Variants in KCNJ1 observed in about 807,000 individuals in gnomAD.
KCNJ1 encodes the protein ATP-sensitive inward rectifier potassium channel 1.
KCNJ1 carries 24 observed loss-of-function variants against 21.9 expected under a neutral mutation model. The ratio of observed to expected loss-of-function variants is 1.10; its 90% CI spans 0.79 to 1.54. The LOEUF (loss-of-function observed/expected upper bound fraction) is 1.54. Among genes scored for constraint, KCNJ1 ranks in the 40% most tolerant of loss-of-function variants. The probability of loss-of-function intolerance (pLI) is 0.00; values close to 1 mark genes in which losing one functional copy is unlikely to be tolerated. For missense variants in KCNJ1, 457 were observed against 455.4 expected, an observed-to-expected ratio of 1.00 and a Z score of -0.03; for synonymous variants, 152 against 160.9, an observed-to-expected ratio of 0.94 and a Z score of 0.42.
At chr11:128,866,017 A>G (rs765120122) in intron 1 of KCNJ1, among the ~76,000 whole-genome samples, 2 of 152,174 alleles carry the variant, frequency 1.3e-5, no homozygotes, top group African/African-American at 2.4e-5. Flanking sequence ...TCATGACTTG[A>G]GTATAAAAAA....
At chr11:128,861,435 A>G (rs1386527965) in intron 1 of KCNJ1, among the ~76,000 whole-genome samples, 8 of 152,210 alleles carry the variant, frequency 5.3e-5, no homozygotes, top group African/African-American at 1.9e-4. Flanking sequence ...TGTGAGCAGC[A>G]GGGCTAGCGG....
intron 1 of KCNJ1, among the ~76,000 whole-genome samples, chr11:128,866,319 T>C (rs1943815071): frequency 6.6e-6 from 1 of 152,162 alleles, no homozygotes; most frequent in Admixed American, 6.5e-5. Context: ...ATCAAAAGCA[T>C]CCAGTGAGTG....
chr11:128,867,105 G>T (rs1943832652), intron 1 of KCNJ1, 68 bp downstream of exon 1: 1 of 152,096 alleles, frequency 6.6e-6, no homozygotes, highest in African/African-American at 2.4e-5. Context: ...GGGGAAAAGA[G>T]GTCTAAATTT....
chr11:128,848,142 G>A (rs1943414969), intron 2 of KCNJ1, among the ~76,000 whole-genome samples: 1 of 152,058 alleles, frequency 6.6e-6, no homozygotes, highest in Non-Finnish European at 1.5e-5. Context: ...CAAAAAATTA[G>A]CCGGGCGTGG....
At chr11:128,867,132 C>A (rs1295161051) in intron 1 of KCNJ1, 41 bp downstream of exon 1, 1 of 152,154 alleles carries the variant, frequency 6.6e-6, no homozygotes, top group African/African-American at 2.4e-5. Context: ...GAATTAACTT[C>A]TTTTTCCTAC....
At chr11:128,844,283 C>A (rs535994367) in intron 2 of KCNJ1, among the ~76,000 whole-genome samples, 5 of 152,240 alleles carry the variant, frequency 3.3e-5, no homozygotes, top group African/African-American at 1.2e-4. Context: ...TCCAAGTAAG[C>A]AAATAATGGA....
Position 128,839,852 on chromosome 11 carries a change from G to C in KCNJ1, c.392C>G (p.Thr131Arg), listed in dbSNP as rs761124763. The C allele has an allele frequency of 2.5e-6, 4 of 1,614,052 alleles. No individual in the cohort carries two copies. The African/African-American group carries it at 4.0e-5, about 16-fold the overall frequency. Residue 131 changes from threonine (T) to arginine (R), a missense_variant, in exon 3 of 3, where the codon ACA (threonine) becomes AGA (arginine). By Grantham distance (71) the Thr-to-Arg change is moderately conservative (BLOSUM62 -1). Coordinates refer to ENST00000392666, the MANE Select transcript of KCNJ1 (RefSeq NM_153766.3). ...VTIGYGFRCVTEQCATAIFLL... is the reference protein window; with the variant it reads ...VTIGYGFRCVREQCATAIFLL... ...AAAAATGGCAGTGGCACACTGTTCT[G>C]TCACACACCTGAATCCATATCCAAT... is the stretch of plus-strand genomic sequence containing the variant.
chr11:128,864,107 A>G (rs1209931515), intron 1 of KCNJ1, among the ~76,000 whole-genome samples: 1 of 113,622 alleles, frequency 8.8e-6, no homozygotes, highest in Non-Finnish European at 1.7e-5. Context: ...TTTTTGAGAC[A>G]AAGTCTCACC....
rs61609852 is a variant in KCNJ1 at position 128,849,225 on chromosome 11, T to C, written c.-22+1496A>G. ...AGCAGAAAGCCCAAAGAGCAAAGAT[T>C]AGAAGAATCTAGATCTTCCCAACTG... On this transcript the variant is annotated intron_variant, in intron 2 of 2. Coordinates refer to ENST00000392666, the MANE Select transcript of KCNJ1 (RefSeq NM_153766.3). 6.6e-3 allele frequency among the ~76,000 whole-genome samples: 1,006 copies of C among 152,328 alleles called. 3 individuals carry two copies. Among genetic ancestry groups the C allele is most frequent in the African/African-American group, 0.022 (934 of 41,564 alleles).
intron 2 of KCNJ1, among the ~76,000 whole-genome samples, chr11:128,841,157 C>T (rs1317875607): frequency 1.3e-5 from 2 of 152,190 alleles, no homozygotes; most frequent in Non-Finnish European, 2.9e-5. Flanking sequence ...TCCCAAGATT[C>T]CCAAAAGGAA....
chr11:128,862,084 A>T (rs1301477936), intron 1 of KCNJ1, among the ~76,000 whole-genome samples: 3 of 152,058 alleles, frequency 2.0e-5, no homozygotes, highest in African/African-American at 7.2e-5. Context: ...CTGCAGTGCC[A>T]TCCTCCCAGT....
At chr11:128,848,310 AG>A (rs754813580) in intron 2 of KCNJ1, among the ~76,000 whole-genome samples, 12,963 of 142,006 alleles carry the variant, frequency 0.091, 656 homozygotes, top group South Asian at 0.24. Flanking sequence ...AAAAAAAAAA[AG>A]TACCTGAGAC....
At chr11:128,849,946 G>C (rs1018479992) in intron 2 of KCNJ1, among the ~76,000 whole-genome samples, 3 of 152,166 alleles carry the variant, frequency 2.0e-5, no homozygotes, top group Non-Finnish European at 2.9e-5. Context: ...TGCCAGTGAC[G>C]ATGAGCCAGC....
rs1943213745 is a variant in KCNJ1, at chr11:128,838,843, C to A, written c.*282G>T. On this transcript the variant is annotated 3_prime_UTR_variant, in exon 3 of 3. Transcript: ENST00000392666. ...TTTTGATAATTTTATCTGCTCCAAT[C>A]CACCTTATATGAGCTCAAATAATCA... is the stretch of plus-strand genomic sequence containing the variant. 2.4e-6 allele frequency: 1 copy of A among 421,156 alleles called. No homozygotes were observed. 26.1% of individuals were successfully genotyped at this position (421,156 alleles called of 1,614,324 possible).
At chr11:128,866,320 C>G (rs1265248088) in intron 1 of KCNJ1, among the ~76,000 whole-genome samples, 1 of 152,210 alleles carries the variant, frequency 6.6e-6, no homozygotes, top group African/African-American at 2.4e-5. Context: ...TCAAAAGCAT[C>G]CAGTGAGTGG....
intron 1 of KCNJ1, chr11:128,866,799 A>C (rs1943823716): frequency 6.6e-6 from 1 of 152,202 alleles, no homozygotes; most frequent in African/African-American, 2.4e-5. Flanking sequence ...ACGGCTTGGC[A>C]GAGGTTGTGT....
intron 2 of KCNJ1, among the ~76,000 whole-genome samples, chr11:128,846,837 T>G (rs10893924): frequency 0.16 from 24,919 of 152,078 alleles, 2,301 homozygotes; most frequent in East Asian, 0.35. Flanking sequence ...TCCTGGCACA[T>G]GAGGCTGGGT....
At position 128,842,364 on chromosome 11, in the gene KCNJ1, T is replaced by TCCA. The variant is rs767508250; in HGVS notation, c.-21-2101_-21-2100insTGG. The TCCA allele has an allele frequency of 2.5e-6, 4 of 1,613,740 alleles. No homozygotes were observed. In the Middle Eastern group the frequency reaches 5.0e-4, roughly 200 times the overall value. The stretch of plus-strand genomic sequence containing the variant: ...TGCCTGGCTTTCCAGAGAGGTGATT[T>TCCA]CCCCAGCCTCCACTTACCAACGTGT... On this transcript the variant is annotated intron_variant, in intron 2 of 2. Coordinates refer to ENST00000392666, the MANE Select transcript of KCNJ1 (RefSeq NM_153766.3).
Position 128,839,870 on chromosome 11 carries a change from T to A in KCNJ1, c.374A>T (p.Tyr125Phe). 6.2e-7 allele frequency: 1 copy of A among 1,614,158 alleles called. No individual in the cohort carries two copies. The highest frequency in any genetic ancestry group is 1.1e-5 in the South Asian group (1 of 91,072). ...CTGTTCTGTCACACACCTGAATCCA[T>A]ATCCAATGGTCACTTGAGTCTCCAG... is the stretch of plus-strand genomic sequence containing the variant. ...FSLETQVTIGYGFRCVTEQCA... is the reference protein window; with the variant it reads ...FSLETQVTIGFGFRCVTEQCA... The change falls in exon 3 of 3, where the codon TAT becomes TTT. Residue 125 changes from tyrosine to phenylalanine, a missense_variant. By Grantham distance (22) the Tyr-to-Phe change is conservative (BLOSUM62 3). Coordinates refer to ENST00000392666, the MANE Select transcript of KCNJ1 (RefSeq NM_153766.3).
Sources: gnomAD v4.1 joint callset for allele counts (sites outside exome capture counted in the v4.1 genomes callset) on GRCh38, gnomAD v4.1.1 for gene constraint, MANE v1.5 for transcripts, NCBI Gene and HGNC (gene_info 2026-07-23, HGNC 2026-07-21) for gene names.